PHF8: variants seen among roughly 807,000 people sequenced by gnomAD.
PHF8 encodes the protein histone lysine demethylase PHF8.
A neutral mutation model predicts 74.4 loss-of-function variants in PHF8; 9 were observed. The observed-to-expected ratio is 0.12, with a 90% CI of 0.07 to 0.21. PHF8 has a LOEUF of 0.21. Ranked by LOEUF, PHF8 falls within the 10% of genes least tolerant of loss-of-function variation. The pLI, the probability that PHF8 is intolerant of heterozygous loss-of-function variation, is 1.00. For synonymous variants in PHF8, 311 were observed against 316.6 expected (o/e 0.98, Z 0.19); for missense variants, 478 against 816.6 (o/e 0.59, Z 5.05).
intron 8 of PHF8, among the ~76,000 whole-genome samples, chrX:54,009,518 T>C (rs1405482847): frequency 9.2e-6 from 1 of 109,101 alleles, no homozygotes; most frequent in Non-Finnish European, 1.9e-5. Context: ...TCAACACAAC[T>C]GAAAACAAAA....
Position 53,993,863 on chromosome X carries a change from A to G in PHF8, c.1364T>C (p.Phe455Ser), listed in dbSNP as rs782471251. 3 of 1,209,008 alleles carry G rather than the reference A, an allele frequency of 2.5e-6. No individual in the cohort carries two copies. The highest frequency in any genetic ancestry group is 3.0e-5 in the East Asian group (1 of 33,808). The change falls in exon 13 of 22, where the codon TTT becomes TCT. Residue 455 changes from phenylalanine to serine, a missense_variant. This residue lies in a region of PHF8 where 153 missense variants were observed against 164.8 expected (regional missense o/e 0.93). Coordinates refer to ENST00000338154, the MANE Select transcript of PHF8 (RefSeq NM_015107.3). ...GGCTGGGAAGATCCTCTGCAGCCCAAAGATATTGCTCGTCTTCCCAACGTT... is the reference window on the plus strand; with the variant it reads ...GGCTGGGAAGATCCTCTGCAGCCCAGAGATATTGCTCGTCTTCCCAACGTT... ...QQNVGKTSNI[F>S]GLQRIFPAGS...
At chrX:54,003,265 T>G (rs1482355643) in intron 8 of PHF8, among the ~76,000 whole-genome samples, 4 of 111,807 alleles carry the variant, frequency 3.6e-5, no homozygotes, top group Admixed American at 2.9e-4. Flanking sequence ...TCCTTAATAG[T>G]TTTTAAGAGT....
At chrX:54,048,614 G>T (rs1481912588), upstream of PHF8, among the ~76,000 whole-genome samples, 2 of 112,070 alleles carry the variant, frequency 1.8e-5, no homozygotes, top group Non-Finnish European at 3.8e-5. Context: ...TGCTGACAAA[G>T]CAAGTCTTGC....
Position 53,985,153 on chromosome X carries a change from G to A in PHF8, c.2204C>T (p.Ser735Leu), listed in dbSNP as rs377130882. 1.7e-6 allele frequency: 2 copies of A among 1,204,547 alleles called. No homozygotes were observed. The highest frequency in any genetic ancestry group is 2.2e-6 in the Non-Finnish European group (2 of 891,912). Residue 735 changes from serine to leucine, a missense_variant, in exon 18 of 22, where the codon TCG becomes TTG. Physicochemically the swap from Ser to Leu is moderately radical, Grantham distance 145. Transcript: ENST00000338154. Reference protein sequence around the residue: ...MLCMANLQSSSSSPATSSLQA... With the variant: ...MLCMANLQSSLSSPATSSLQA... The stretch of plus-strand genomic sequence containing the variant: ...CAGGCTAGAGGTAGCCGGTGAGGAC[G>A]ATGAGGACTGCAGGTTGGCCATGCA...
intron 20 of PHF8, among the ~76,000 whole-genome samples, chrX:53,942,327 A>G (rs1178735789): frequency 8.9e-6 from 1 of 112,284 alleles, no homozygotes; most frequent in African/African-American, 3.2e-5. Flanking sequence ...ACATTACCTC[A>G]TTTAATCCTA....
intron 18 of PHF8, among the ~76,000 whole-genome samples, chrX:53,976,465 C>T (rs782503298): frequency 9.1e-6 from 1 of 109,800 alleles, no homozygotes; most frequent in South Asian, 3.8e-4. Flanking sequence ...ACTGACAAAA[C>T]ATAGAAAATG....
At chrX:53,971,571 T>C (rs1474130314) in intron 18 of PHF8, among the ~76,000 whole-genome samples, 1 of 110,628 alleles carries the variant, frequency 9.0e-6, no homozygotes, top group Non-Finnish European at 1.9e-5. Flanking sequence ...ATTAATAAAA[T>C]AGATAGACCA....
At chrX:53,973,769 G>T (rs1209105322) in intron 18 of PHF8, among the ~76,000 whole-genome samples, 1 of 111,654 alleles carries the variant, frequency 9.0e-6, no homozygotes, top group Non-Finnish European at 1.9e-5. Context: ...AAAAGCAATT[G>T]CAACAAAAGT....
At chrX:53,956,624 T>G (rs988971781) in intron 19 of PHF8, among the ~76,000 whole-genome samples, 3 of 111,216 alleles carry the variant, frequency 2.7e-5, no homozygotes, top group African/African-American at 9.8e-5. Context: ...ATTCAAATTT[T>G]CCTGTAGAAT....
chrX:53,970,462 C>T (rs1201355952), intron 18 of PHF8, among the ~76,000 whole-genome samples: 3 of 111,589 alleles, frequency 2.7e-5, no homozygotes, highest in South Asian at 3.8e-4. Flanking sequence ...TAACCAGCTA[C>T]CATCATGATG....
chrX:54,029,875 C>A (rs1557112201), intron 2 of PHF8, among the ~76,000 whole-genome samples: 1 of 111,706 alleles, frequency 9.0e-6, no homozygotes, highest in Non-Finnish European at 1.9e-5. Flanking sequence ...TTAAGAATTT[C>A]AAGACAACCA....
At chrX:53,945,390 G>C (rs1384196513) in intron 19 of PHF8, among the ~76,000 whole-genome samples, 1 of 107,214 alleles carries the variant, frequency 9.3e-6, no homozygotes, top group East Asian at 3.0e-4. Context: ...CACGCCTGTA[G>C]TCCCAGCTGC....
At chrX:54,015,102 A>G (rs782543506) in intron 6 of PHF8, among the ~76,000 whole-genome samples, 1 of 111,782 alleles carries the variant, frequency 8.9e-6, no homozygotes, top group South Asian at 3.7e-4. Flanking sequence ...AAATGTGCTG[A>G]GCACCCACCA....
At chrX:53,983,060 C>T (rs1399190771) in intron 18 of PHF8, among the ~76,000 whole-genome samples, 1 of 109,132 alleles carries the variant, frequency 9.2e-6, no homozygotes, top group Non-Finnish European at 1.9e-5. Context: ...GTGGTATGCA[C>T]CTATGGTCCC....
At chrX:53,971,502 C>T (rs782134924) in intron 18 of PHF8, among the ~76,000 whole-genome samples, 4 of 110,897 alleles carry the variant, frequency 3.6e-5, no homozygotes, top group East Asian at 2.8e-4. Context: ...GACAGAGACA[C>T]GAAAAACCCT....
chrX:53,960,201 G>A (rs978691959), intron 19 of PHF8, among the ~76,000 whole-genome samples: 4 of 107,574 alleles, frequency 3.7e-5, no homozygotes, highest in Admixed American at 2.0e-4. Context: ...TCAGCCTCCC[G>A]AGTAGCTGGG....
At chrX:54,048,549 A>G (rs920367291), upstream of PHF8, among the ~76,000 whole-genome samples, 1 of 111,999 alleles carries the variant, frequency 8.9e-6, no homozygotes, top group African/African-American at 3.2e-5. Context: ...GGAGTGGACA[A>G]AGGATATTAG....
At chrX:54,013,535 C>T (rs782344269) in intron 7 of PHF8, among the ~76,000 whole-genome samples, 121 of 111,263 alleles carry the variant, frequency 1.1e-3, no homozygotes, top group African/African-American at 3.3e-3. Context: ...AAGGTAAGAA[C>T]GGCTGGGTGC....
rs1557099064 is a variant in PHF8 at position 53,984,994 on chromosome X, G to C, written c.2363C>G (p.Thr788Ser). 10 of 1,210,890 alleles carry C rather than the reference G, an allele frequency of 8.3e-6. No individual in the cohort carries two copies. The highest frequency in any genetic ancestry group is 1.1e-5 in the Non-Finnish European group (10 of 894,798). ...RPIKRPAYWR[T>S]ESEEEEENAS... The stretch of plus-strand genomic sequence containing the variant: ...GTTCTCCTCCTCCTCCTCGCTCTCG[G>C]TTCTCCAGTATGCTGGCCGCTTGAT... Residue 788 changes from threonine to serine, a missense_variant, in exon 18 of 22, where the codon ACC (threonine) becomes AGC (serine). Thr to Ser is a moderately conservative substitution (Grantham distance 58). Coordinates refer to ENST00000338154, the MANE Select transcript of PHF8 (RefSeq NM_015107.3).
Sources: gnomAD v4.1 joint callset for allele counts (sites outside exome capture counted in the v4.1 genomes callset) on GRCh38, gnomAD v4.1.1 for gene constraint, gnomAD v4.1.1 regional missense constraint, MANE v1.5 for transcripts, NCBI Gene and HGNC (gene_info 2026-07-23, HGNC 2026-07-21) for gene names.